RGS22: variants seen among roughly 807,000 people sequenced by gnomAD.
RGS22 encodes the protein regulator of G-protein signaling 22.
RGS22 carries 148 observed loss-of-function variants against 172.9 expected under a neutral mutation model. That is an observed-to-expected ratio of 0.86 (90% CI 0.75 to 0.98). The LOEUF is 0.98. Ranked by LOEUF, RGS22 falls within the 50% of genes least tolerant of loss-of-function variation. RGS22 has a pLI of 0.00. For synonymous variants in RGS22, 458 were observed against 480.2 expected, an observed-to-expected ratio of 0.95 and a Z score of 0.60; for missense variants, 1,347 against 1,440.8, an observed-to-expected ratio of 0.93 and a Z score of 1.05.
rs537423941 is a variant in RGS22 at position 100,078,488 on chromosome 8, CACT to C, written c.339+1643_339+1645del. On this transcript the variant is annotated intron_variant, in intron 4 of 27. Transcript: ENST00000360863. ...ATTATTGATATGGTTTGTTTAAAAT[CACT>C]ACTACCATTTTCCTAGTTGTTTTAT... Among the ~76,000 whole-genome samples, 543 of 151,400 alleles carry C rather than the reference CACT, an allele frequency of 3.6e-3. 2 individuals carry two copies. The highest frequency in any genetic ancestry group is 0.012 in the African/African-American group (480 of 41,376).
At chr8:99,975,892 T>TA (rs1811875531) in intron 23 of RGS22, among the ~76,000 whole-genome samples, 1 of 152,054 alleles carries the variant, frequency 6.6e-6, no homozygotes, top group Non-Finnish European at 1.5e-5. Context: ...ATTTGCTGAT[T>TA]AAAAAGAATG....
rs954530840 is a variant in RGS22 at position 100,011,477 on chromosome 8, C to T, written c.2167-2908G>A. Among the ~76,000 whole-genome samples the T allele has an allele frequency of 1.1e-4, 17 of 152,146 alleles. 1 individual carries two copies. The highest frequency in any genetic ancestry group is 3.9e-4 in the African/African-American group (16 of 41,428). On this transcript the variant is annotated intron_variant, in intron 14 of 27. Coordinates refer to ENST00000360863, the MANE Select transcript of RGS22 (RefSeq NM_015668.5). ...CAGAAAAATCCTTTTGTGCAGCAGT[C>T]CTCTGCTCAAACTCTCTAGCAGCTT... is the stretch of plus-strand genomic sequence containing the variant.
chr8:100,062,848 T>A, intron 8 of RGS22, 96 bp from the exon 9 acceptor site: 2 of 1,001,546 alleles, frequency 2.0e-6, no homozygotes, highest in Non-Finnish European at 3.0e-6. Flanking sequence ...AAACACAAGT[T>A]AAAGACTTTC....
At chr8:100,018,504 G>A (rs1563622670) in intron 14 of RGS22, among the ~76,000 whole-genome samples, 1 of 152,132 alleles carries the variant, frequency 6.6e-6, no homozygotes, top group Non-Finnish European at 1.5e-5. Context: ...TTTCTAAATA[G>A]CGTTAAAATG....
rs1810416939 is a variant in RGS22, at chr8:100,064,712, A to C, written c.725-669T>G. 3.3e-5 allele frequency among the ~76,000 whole-genome samples: 5 copies of C among 152,330 alleles called. No individual in the cohort carries two copies. The South Asian group carries it at 1.0e-3, about 32-fold the overall frequency. The stretch of plus-strand genomic sequence containing the variant: ...ATATCAATATATAAGGGCCAAATCT[A>C]TTAAGGAATTAGAATATGTATACTA... On this transcript the variant is annotated intron_variant, in intron 7 of 27. Transcript: ENST00000360863.
intron 19 of RGS22, 103 bp downstream of exon 19, chr8:99,999,158 TA>T (rs754246728): frequency 0.17 from 140,815 of 846,506 alleles, 7 homozygotes; most frequent in East Asian, 0.24. Context: ...GCCCATTCCT[TA>T]AAAAAAAAAA....
chr8:100,088,445 A>G (rs1812320469), intron 3 of RGS22, among the ~76,000 whole-genome samples: 1 of 152,130 alleles, frequency 6.6e-6, no homozygotes, highest in South Asian at 2.1e-4. Flanking sequence ...GCCAAAAGGA[A>G]AAAAATGTTT....
intron 20 of RGS22, among the ~76,000 whole-genome samples, chr8:99,993,809 C>T (rs897284857): frequency 2.6e-5 from 4 of 151,984 alleles, no homozygotes; most frequent in Non-Finnish European, 4.4e-5. Flanking sequence ...AGACACACAA[C>T]GAAAAAAGAG....
At chr8:100,091,215 T>A (rs2131983752) in intron 3 of RGS22, among the ~76,000 whole-genome samples, 1 of 152,026 alleles carries the variant, frequency 6.6e-6, no homozygotes, top group Middle Eastern at 3.4e-3. Flanking sequence ...ACATTTTCTC[T>A]TCTCTTGTCT....
intron 10 of RGS22, among the ~76,000 whole-genome samples, chr8:100,048,582 A>G (rs530067735): frequency 6.6e-6 from 1 of 152,240 alleles, no homozygotes; most frequent in Non-Finnish European, 1.5e-5. Context: ...TATATACTCT[A>G]TGTAATAACT....
chr8:100,066,444 T>C, intron 6 of RGS22, 148 bp from the exon 7 acceptor site: 2 of 650,340 alleles, frequency 3.1e-6, no homozygotes, highest in South Asian at 3.2e-5. Context: ...AAAATTCTAC[T>C]GAAAAAATTA....
chr8:99,998,277 CAT>C (rs1181635964), intron 19 of RGS22, among the ~76,000 whole-genome samples: 3 of 152,190 alleles, frequency 2.0e-5, no homozygotes, highest in Non-Finnish European at 4.4e-5. Context: ...GAAACAAGCA[CAT>C]GTTAATTTCA....
At chr8:100,098,891 ATTTTATTTTATTTTATTTT>A (rs1563732838) in intron 2 of RGS22, among the ~76,000 whole-genome samples, 2 of 82,276 alleles carry the variant, frequency 2.4e-5, no homozygotes, top group African/African-American at 9.3e-5. Context: ...ATTTTATTTT[ATTTTATTTTATTTTATTTT>A]ATTTTATTTT....
chr8:100,102,039 C>G (rs907665125), intron 2 of RGS22, among the ~76,000 whole-genome samples: 1 of 152,198 alleles, frequency 6.6e-6, no homozygotes, highest in East Asian at 1.9e-4. Context: ...ACATCCATCT[C>G]ATGATTTAAG....
intron 22 of RGS22, 142 bp downstream of exon 22, chr8:99,981,795 C>G: frequency 2.1e-6 from 1 of 476,770 alleles, no homozygotes; most frequent in Non-Finnish European, 3.4e-6. Flanking sequence ...CTCCTGAGCT[C>G]AAACAATCTG....
At chr8:99,989,089 T>C (rs1227149894) in intron 20 of RGS22, among the ~76,000 whole-genome samples, 1 of 152,046 alleles carries the variant, frequency 6.6e-6, no homozygotes, top group African/African-American at 2.4e-5. Flanking sequence ...ATCAAAATTA[T>C]AGCAAAAAAC....
chr8:100,039,979 C>A lies in RGS22; in HGVS notation c.2047G>T (p.Glu683Ter). 1 of 1,566,596 alleles carries A rather than the reference C, an allele frequency of 6.4e-7. No individual in the cohort carries two copies. Among genetic ancestry groups the A allele is most frequent in the South Asian group, 1.2e-5 (1 of 81,854 alleles). Reference sequence around the variant, plus strand: ...TTTTCTACCTTGTTCCCTGAATGCTCGCAGAATTTAGTAAAGAAGAATCCA... The same window carrying A: ...TTTTCTACCTTGTTCCCTGAATGCTAGCAGAATTTAGTAAAGAAGAATCCA... The part of the protein sequence containing the change: ...RAGFFFTKFC[E>*]HSGNKLWKNS... The change falls in exon 13 of 28, where the codon GAG becomes TAG. Residue 683 changes from glutamate to a stop codon, truncating the protein, a stop_gained. Transcript: ENST00000360863. LOFTEE classifies it high-confidence loss of function.
chr8:99,985,881 A>G (rs918825057), intron 21 of RGS22, among the ~76,000 whole-genome samples: 5 of 152,164 alleles, frequency 3.3e-5, no homozygotes, highest in African/African-American at 4.8e-5. Flanking sequence ...GTTCATATTC[A>G]TATTAGCTTA....
At chr8:100,066,065 A>T (rs1810511293) in intron 7 of RGS22, 102 bp downstream of exon 7, 1 of 1,092,636 alleles carries the variant, frequency 9.2e-7, no homozygotes, top group South Asian at 2.1e-5. Context: ...TATGTGGATA[A>T]TTTTTTCTCC....
Sources: gnomAD v4.1 joint callset for allele counts (sites outside exome capture counted in the v4.1 genomes callset) on GRCh38, gnomAD v4.1.1 for gene constraint, MANE v1.5 for transcripts, NCBI Gene and HGNC (gene_info 2026-07-23, HGNC 2026-07-21) for gene names.